KLHL14: variants seen among roughly 807,000 people sequenced by gnomAD.
The protein encoded by KLHL14 is kelch-like protein 14.
KLHL14 carries 22 observed loss-of-function variants against 64.3 expected under a neutral mutation model. The ratio of observed to expected loss-of-function variants is 0.34; its 90% CI spans 0.24 to 0.49. KLHL14 has a LOEUF of 0.49. KLHL14 is among the 20% of genes least tolerant of loss of function. KLHL14 has a pLI of 0.99. For missense variants in KLHL14, 661 were observed against 789.0 expected, an observed-to-expected ratio of 0.84 and a Z score of 1.94; for synonymous variants, 322 against 333.4, an observed-to-expected ratio of 0.97 and a Z score of 0.37.
chr18:32,675,277 C>T (rs1450299777), intron 8 of KLHL14, among the ~76,000 whole-genome samples: 1 of 152,118 alleles, frequency 6.6e-6, no homozygotes, highest in Non-Finnish European at 1.5e-5. Flanking sequence ...ACAGGAGGAT[C>T]GTGGTTACAA....
rs1309966726 is a variant in KLHL14 at position 32,680,063 on chromosome 18, GT to G, written c.1588+105del. On this transcript the variant is annotated intron_variant, in intron 7 of 8. Transcript: ENST00000359358. This position sits in a 1 kb window ranked among gnomAD's most constrained non-coding sequence, Gnocchi z 4.8. ...AGAGTAGATTTTATTAGGTCAACAT[GT>G]TTTTTACTTGGTTAACTATGATTAT... is the stretch of plus-strand genomic sequence containing the variant. 1.7e-6 allele frequency: 2 copies of G among 1,160,326 alleles called. No homozygotes were observed. Among genetic ancestry groups the G allele is most frequent in the Non-Finnish European group, 2.4e-6 (2 of 832,422 alleles). The allele number at this position is 1,160,326 out of a possible 1,614,324, so 71.9% of individuals were successfully genotyped here.
intron 7 of KLHL14, among the ~76,000 whole-genome samples, chr18:32,679,433 T>C (rs766604384): frequency 3.9e-5 from 6 of 152,144 alleles, no homozygotes; most frequent in Admixed American, 6.5e-5. Context: ...GAGCAGTTTC[T>C]TCATCTTCAG....
intron 3 of KLHL14, chr18:32,740,771 T>C (rs1452692038): frequency 6.6e-6 from 1 of 152,196 alleles, no homozygotes; most frequent in Non-Finnish European, 1.5e-5. Flanking sequence ...ATTCTACTAC[T>C]TCTTTACTAC....
chr18:32,678,671 C>A (rs973899238), intron 7 of KLHL14, among the ~76,000 whole-genome samples: 1 of 152,142 alleles, frequency 6.6e-6, no homozygotes, highest in Admixed American at 6.6e-5. Flanking sequence ...CAGAAACCAT[C>A]AAGGCAAGGA....
chr18:32,770,385 C>T lies in KLHL14; in HGVS notation c.207G>A (p.Gly69=). 1 of 1,594,104 alleles carries T rather than the reference C, an allele frequency of 6.3e-7. No homozygotes were observed. Among genetic ancestry groups the T allele is most frequent in the Non-Finnish European group, 8.6e-7 (1 of 1,169,146 alleles). ...GGCCGTCCTGGCCGCCGACCCCTCC[C>T]CCGAGAGGGGGGTGGCTGGAGAAGA... The part of the protein sequence containing the change: ...RSLFSSHPPL[G]GGVGGQDGLG... The change falls in exon 2 of 9, where the codon GGG becomes GGA. Residue 69 remains glycine (G), a synonymous_variant. Coordinates refer to ENST00000359358, the MANE Select transcript of KLHL14 (RefSeq NM_020805.3). This position sits in a 1 kb window ranked among gnomAD's most constrained non-coding sequence, Gnocchi z 6.7.
intron 3 of KLHL14, chr18:32,733,927 T>A (rs887591497): frequency 7.2e-5 from 38 of 527,142 alleles, no homozygotes; most frequent in Non-Finnish European, 6.8e-6. Flanking sequence ...CGGTGCATTA[T>A]GTGTGAGGGA....
chr18:32,700,928 G>A (rs1439239143), intron 3 of KLHL14, among the ~76,000 whole-genome samples: 4 of 152,152 alleles, frequency 2.6e-5, no homozygotes, highest in Non-Finnish European at 5.9e-5. Flanking sequence ...TGCAAGAATA[G>A]CAAGTGCAAA....
intron 3 of KLHL14, among the ~76,000 whole-genome samples, chr18:32,714,886 C>CTT (rs144797469): frequency 9.8e-4 from 145 of 148,462 alleles, no homozygotes; most frequent in Admixed American, 4.1e-3. Flanking sequence ...CTCTGGTGGT[C>CTT]CTTTTTTTTT....
At chr18:32,769,343 G>C (rs1568087084) in intron 2 of KLHL14, among the ~76,000 whole-genome samples, 1 of 152,144 alleles carries the variant, frequency 6.6e-6, no homozygotes. Context: ...CCTGGCCTTT[G>C]GCCCCATCTG....
At chr18:32,692,974 T>C (rs534128831) in intron 4 of KLHL14, among the ~76,000 whole-genome samples, 2 of 152,328 alleles carry the variant, frequency 1.3e-5, no homozygotes, top group South Asian at 2.1e-4. Context: ...AAGTCAACTA[T>C]GGTTGACCAG....
Position 32,760,694 on chromosome 18 carries a change from C to T in KLHL14, c.947+8951G>A, listed in dbSNP as rs1005324991. On this transcript the variant is annotated intron_variant, in intron 2 of 8. Coordinates refer to ENST00000359358, the MANE Select transcript of KLHL14 (RefSeq NM_020805.3). ...TGGGAGCAAAGAAGCCAGACATATG[C>T]ATGTGAAAGGCTTTGGGAGCAGCAG... Among the ~76,000 whole-genome samples the T allele has an allele frequency of 7.2e-5, 11 of 152,210 alleles. 1 individual carries two copies. Among genetic ancestry groups the T allele is most frequent in the Admixed American group, 6.5e-4 (10 of 15,294 alleles).
At chr18:32,693,413 C>CACACAGAGAGAGAG (rs1229737083) in intron 4 of KLHL14, among the ~76,000 whole-genome samples, 11 of 97,034 alleles carry the variant, frequency 1.1e-4, no homozygotes, top group African/African-American at 5.3e-4. Context: ...CACACACACA[C>CACACAGAGAGAGAG]AGAGAGAGAG....
chr18:32,731,920 T>C (rs1205098506), intron 3 of KLHL14, among the ~76,000 whole-genome samples: 5 of 152,184 alleles, frequency 3.3e-5, no homozygotes, highest in African/African-American at 4.8e-5. Flanking sequence ...CTAAACCTCC[T>C]TTTAATATAA....
In KLHL14 at chr18:32,683,062, A is replaced by C. The variant is rs1383950950; in HGVS notation, c.1239-2463T>G. 5.9e-5 allele frequency among the ~76,000 whole-genome samples: 9 copies of C among 152,350 alleles called. No homozygotes were observed. Among genetic ancestry groups the C allele is most frequent in the Non-Finnish European group, 1.3e-4 (9 of 68,032 alleles). ...TCTATTTAACTGAGTATAGATTTTG[A>C]AGAATAAGAGGAAGATCTCCCTTTG... On this transcript the variant is annotated intron_variant, in intron 5 of 8. Transcript: ENST00000359358. This position sits in a 1 kb window ranked among gnomAD's most constrained non-coding sequence, Gnocchi z 4.2.
At chr18:32,686,266 T>C (rs1484914596) in intron 5 of KLHL14, among the ~76,000 whole-genome samples, 1 of 150,610 alleles carries the variant, frequency 6.6e-6, no homozygotes, top group Non-Finnish European at 1.5e-5. Context: ...CCTGGCTTCG[T>C]GATCCACCCA....
intron 2 of KLHL14, among the ~76,000 whole-genome samples, chr18:32,754,051 C>A (rs1455936437): frequency 1.3e-5 from 2 of 152,208 alleles, no homozygotes; most frequent in Admixed American, 6.5e-5. Context: ...TGCTACTGAG[C>A]AAGCTGGTGG....
chr18:32,766,862 T>A (rs924541316), intron 2 of KLHL14, among the ~76,000 whole-genome samples: 1 of 152,080 alleles, frequency 6.6e-6, no homozygotes, highest in Non-Finnish European at 1.5e-5. Context: ...AAACTCAAAA[T>A]TAATAATCTT....
chr18:32,772,461 T>C (rs1236804590), intron 1 of KLHL14, among the ~76,000 whole-genome samples: 3 of 150,046 alleles, frequency 2.0e-5, no homozygotes, highest in Non-Finnish European at 3.0e-5. Context: ...TCTTTTCCTA[T>C]TCCCCTTCCT....
intron 1 of KLHL14, chr18:32,772,408 C>T: frequency 5.6e-6 from 1 of 180,092 alleles, no homozygotes; most frequent in South Asian, 1.0e-4. Flanking sequence ...CCCGGTCATA[C>T]CTCTCTCTAG....
Sources: gnomAD v4.1 joint callset for allele counts (sites outside exome capture counted in the v4.1 genomes callset) on GRCh38, gnomAD v4.1.1 for gene constraint, Gnocchi (gnomAD v3.1) non-coding constraint, MANE v1.5 for transcripts, NCBI Gene and HGNC (gene_info 2026-07-23, HGNC 2026-07-21) for gene names.